Variants in WDR97 observed in about 807,000 individuals in gnomAD.
WDR97 encodes WD repeat-containing protein 97.
A neutral mutation model predicts 65.4 loss-of-function variants in WDR97; 111 were observed. That is an observed-to-expected ratio of 1.70 (90% CI 1.45 to 1.99). The LOEUF (loss-of-function observed/expected upper bound fraction) is 1.99. WDR97 is among the 30% of genes most tolerant of loss of function. WDR97 has a pLI of 0.00. For missense variants in WDR97, 1,674 were observed against 865.0 expected (o/e 1.94, Z -11.73); for synonymous variants, 802 against 397.7 (o/e 2.02, Z -12.10).
At chr8:144,108,248 C>T in intron 2 of WDR97, 53 bp downstream of exon 2, 2 of 694,930 alleles carry the variant, frequency 2.9e-6, no homozygotes, top group East Asian at 2.7e-5. Flanking sequence ...CTGGGCCTTC[C>T]CTTAGGGGTC....
chr8:144,109,818 C>CT lies in WDR97; in HGVS notation c.1485dup (p.Gly496TrpfsTer165). ...GAGGCGCTGTGGCTGCTGACCAGGG[C>CT]TGGGCACCTGGTCCGCGCCAACGCG... On this transcript the variant is annotated frameshift_variant, in exon 5 of 24. Coordinates refer to ENST00000323662, the MANE Select transcript of WDR97 (RefSeq NM_001316309.2). LOFTEE classifies it high-confidence loss of function. 1.5e-6 allele frequency: 1 copy of CT among 684,556 alleles called. No individual in the cohort carries two copies. Among genetic ancestry groups the CT allele is most frequent in the East Asian group, 2.8e-5 (1 of 36,112 alleles). The allele number at this position is 684,556 out of a possible 1,614,324, so 42.4% of individuals were successfully genotyped here. A position where few individuals can be genotyped will look rare whatever the true frequency, so the allele number is the denominator to read the frequency against.
chr8:144,116,907 C>T lies in WDR97; in HGVS notation c.*614C>T, dbSNP rs1161551144. 1 of 152,338 alleles carries T rather than the reference C, an allele frequency of 6.6e-6. No homozygotes were observed. Among genetic ancestry groups the T allele is most frequent in the Non-Finnish European group, 1.5e-5 (1 of 68,134 alleles). 9.4% of individuals were successfully genotyped at this position (152,338 alleles called of 1,614,324 possible). A position where few individuals can be genotyped will look rare whatever the true frequency, so the allele number is the denominator to read the frequency against. On this transcript the variant is annotated 3_prime_UTR_variant, in exon 24 of 24. Transcript: ENST00000323662. ...AAGGGCTCGGCCTCTGGGCCGGGCC[C>T]CTCTGCCCTGTGTGGCCTGGCAGGG...
At position 144,114,178 on chromosome 8, in the gene WDR97, G is replaced by A. The variant is rs867390197; in HGVS notation, c.3594+16G>A. 7.1e-6 allele frequency: 5 copies of A among 701,572 alleles called. No individual in the cohort carries two copies. Among genetic ancestry groups the A allele is most frequent in the South Asian group, 1.5e-5 (1 of 67,478 alleles). The allele number at this position is 701,572 out of a possible 1,614,324, so 43.5% of individuals were successfully genotyped here. A position where few individuals can be genotyped will look rare whatever the true frequency, so the allele number is the denominator to read the frequency against. On this transcript the variant is annotated intron_variant, in intron 18 of 23. Transcript: ENST00000323662. Reference sequence around the variant, plus strand: ...CAGCCTGCAGGTTGGAGGGAACTGGGGATGCATGAGAAGCATGGGTTAGGG... The same window carrying A: ...CAGCCTGCAGGTTGGAGGGAACTGGAGATGCATGAGAAGCATGGGTTAGGG...
At position 144,109,484 on chromosome 8, in the gene WDR97, C is replaced by T. The variant is rs1423057769; in HGVS notation, c.1150C>T (p.Arg384Cys). The T allele has an allele frequency of 4.3e-6, 3 of 697,156 alleles. No homozygotes were observed. Among genetic ancestry groups the T allele is most frequent in the Admixed American group, 2.0e-5 (1 of 49,298 alleles). The allele number at this position is 697,156 out of a possible 1,614,324, so 43.2% of individuals were successfully genotyped here. The change falls in exon 5 of 24, where the codon CGC becomes TGC. Residue 384 changes from arginine to cysteine, a missense_variant. Physicochemically the swap from Arg to Cys is radical, Grantham distance 180. Transcript: ENST00000323662. ...CTGGGGCCAGGACAAGCTGTCCCGG[C>T]GCGTGGGCCGTCTGCTGGCGCCGGT... is the stretch of plus-strand genomic sequence containing the variant. ...GFWGQDKLSR[R>C]VGRLLAPVRP... is the part of the protein sequence containing the mutation.
Position 144,108,173 on chromosome 8 carries a change from G to A in WDR97, c.227G>A (p.Ser76Asn). Residue 76 changes from serine (S) to asparagine (N), a missense_variant, in exon 2 of 24, where the codon AGC becomes AAC. By Grantham distance (46) the Ser-to-Asn change is conservative. Coordinates refer to ENST00000323662, the MANE Select transcript of WDR97 (RefSeq NM_001316309.2). ...CGGCTGTGGCTGCTTCTGCGCACCA[G>A]CCTCCACGAAGTCGTGGAAAAGGTG... ...ARRLWLLLRT[S>N]LHEVVEKEKR... The A allele has an allele frequency of 1.4e-6, 1 of 702,074 alleles. No homozygotes were observed. Among genetic ancestry groups the A allele is most frequent in the South Asian group, 1.5e-5 (1 of 67,538 alleles). 43.5% of individuals were successfully genotyped at this position (702,074 alleles called of 1,614,324 possible).
intron 15 of WDR97, chr8:144,113,079 C>T (rs1327755072): frequency 5.0e-6 from 2 of 401,596 alleles, no homozygotes; most frequent in East Asian, 1.0e-4. Context: ...GCCCTTTCTC[C>T]AAGCTCCTTC....
Position 144,111,889 on chromosome 8 carries a change from C to A in WDR97, c.2640C>A (p.Gly880=), listed in dbSNP as rs1443633660. 1.4e-6 allele frequency: 1 copy of A among 702,034 alleles called. No individual in the cohort carries two copies. The highest frequency in any genetic ancestry group is 2.7e-5 in the East Asian group (1 of 37,260). The allele number at this position is 702,034 out of a possible 1,614,324, so 43.5% of individuals were successfully genotyped here. The change falls in exon 13 of 24, where the codon GGC becomes GGA. Residue 880 remains glycine, a splice_region_variant and synonymous_variant. Coordinates refer to ENST00000323662, the MANE Select transcript of WDR97 (RefSeq NM_001316309.2). ...TGTCTGCTCCTGCTACCTCCCAGGG[C>A]ATGCAGTCTGGAAGGGGGTCCCAGC... ...LRLIYGSGLL[G]MQSGRGSQQW...
intron 14 of WDR97, 35 bp downstream of exon 14, chr8:144,112,384 G>A (rs1387054399): frequency 1.4e-6 from 1 of 702,498 alleles, no homozygotes; most frequent in East Asian, 2.7e-5. Flanking sequence ...ACCACCTACT[G>A]AGGGGCAGAG....
chr8:144,112,370 G>A, intron 14 of WDR97, 21 bp downstream of exon 14: 1 of 702,520 alleles, frequency 1.4e-6, no homozygotes, highest in Non-Finnish European at 2.6e-6. Flanking sequence ...CAGGCAGGTG[G>A]GGTACCACCT....
chr8:144,113,366 A>C, intron 15 of WDR97, 74 bp from the exon 16 acceptor site: 1 of 691,048 alleles, frequency 1.4e-6, no homozygotes. Flanking sequence ...CTGAGAGGTT[A>C]TACAGGTGAC....
At position 144,114,563 on chromosome 8, in the gene WDR97, CAGA is replaced by C. The variant is rs770951787; in HGVS notation, c.3808_3810del (p.Lys1270del). ...CCACCGCCTGCCTCAGGACCAGACA[CAGA>C]AGAAGTTCGTGATACTGGCGCTGCA... On this transcript the variant is annotated inframe_deletion, in exon 20 of 24. Transcript: ENST00000323662. 4.8e-5 allele frequency: 34 copies of C among 702,764 alleles called. No individual in the cohort carries two copies. Among genetic ancestry groups the C allele is most frequent in the Non-Finnish European group, 8.3e-5 (32 of 385,026 alleles). The allele number at this position is 702,764 out of a possible 1,614,324, so 43.5% of individuals were successfully genotyped here.
Position 144,114,463 on chromosome 8 carries a change from C to T in WDR97, c.3780C>T (p.Pro1260=). The change falls in exon 19 of 24, where the codon CCC becomes CCT. Residue 1260 remains proline, a synonymous_variant. Coordinates refer to ENST00000323662, the MANE Select transcript of WDR97 (RefSeq NM_001316309.2). ...TACACTTGCTCAACCTGGACCAGCC[C>T]CCCAGCCTCCAGGTGTGCCCCTTGT... ...LLVHLLNLDQ[P]PSLQDQTQKK... is the part of the protein sequence containing the mutation. 1 of 702,662 alleles carries T rather than the reference C, an allele frequency of 1.4e-6. No homozygotes were observed. Among genetic ancestry groups the T allele is most frequent in the South Asian group, 1.5e-5 (1 of 67,602 alleles). 43.5% of individuals were successfully genotyped at this position (702,662 alleles called of 1,614,324 possible).
chr8:144,110,696 G>C lies in WDR97; in HGVS notation c.2128G>C (p.Asp710His). The C allele has an allele frequency of 1.4e-6, 1 of 701,532 alleles. No homozygotes were observed. Among genetic ancestry groups the C allele is most frequent in the Non-Finnish European group, 2.6e-6 (1 of 384,958 alleles). 43.5% of individuals were successfully genotyped at this position (701,532 alleles called of 1,614,324 possible). A position where few individuals can be genotyped will look rare whatever the true frequency, so the allele number is the denominator to read the frequency against. The change falls in exon 8 of 24, where the codon GAC becomes CAC. Residue 710 changes from aspartate to histidine, a missense_variant. By Grantham distance (81) the Asp-to-His change is moderately conservative. Coordinates refer to ENST00000323662, the MANE Select transcript of WDR97 (RefSeq NM_001316309.2). ...CAAACTGTATGCCTGCTCCAGCCTGGACTGCACCGTTCGCATCTGGACTGC... is the reference window on the plus strand; with the variant it reads ...CAAACTGTATGCCTGCTCCAGCCTGCACTGCACCGTTCGCATCTGGACTGC... ...TLKLYACSSLDCTVRIWTAEN... is the reference protein window; with the variant it reads ...TLKLYACSSLHCTVRIWTAEN...
In WDR97 at chr8:144,110,618, T is replaced by C. The variant is rs1836527233; in HGVS notation, c.2081-31T>C. On this transcript the variant is annotated intron_variant, in intron 7 of 23. Transcript: ENST00000323662. ...GGGTGAAGCCCAGCCACCGCCCAGCTCCGGTTCCTGACCCTGAACCCTGCC... is the reference window on the plus strand; with the variant it reads ...GGGTGAAGCCCAGCCACCGCCCAGCCCCGGTTCCTGACCCTGAACCCTGCC... The C allele has an allele frequency of 8.5e-6, 6 of 702,732 alleles. No homozygotes were observed. In the East Asian group the frequency reaches 1.6e-4, roughly 19 times the overall value. 43.5% of individuals were successfully genotyped at this position (702,732 alleles called of 1,614,324 possible).
In WDR97 at chr8:144,111,650, G is replaced by T; in HGVS notation, c.2506G>T (p.Ala836Ser). 1.4e-6 allele frequency: 1 copy of T among 694,748 alleles called. No homozygotes were observed. Among genetic ancestry groups the T allele is most frequent in the Non-Finnish European group, 2.6e-6 (1 of 380,212 alleles). 43.0% of individuals were successfully genotyped at this position (694,748 alleles called of 1,614,324 possible). ...GACTCAGGACTTGGACGCCATAGTG[G>T]CCCGGGACCGAGACCTTCAGCAGTT... Reference protein sequence around the residue: ...VPKEDLDAIVARDRDLQQLRL... With the variant: ...VPKEDLDAIVSRDRDLQQLRL... Residue 836 changes from alanine to serine, a missense_variant, in exon 12 of 24, where the codon GCC (alanine) becomes TCC (serine). Physicochemically the swap from Ala to Ser is moderately conservative, Grantham distance 99 (BLOSUM62 1). Coordinates refer to ENST00000323662, the MANE Select transcript of WDR97 (RefSeq NM_001316309.2).
chr8:144,108,324 A>T lies in WDR97; in HGVS notation c.258A>T (p.Arg86Ser). 1.4e-6 allele frequency: 1 copy of T among 693,506 alleles called. No homozygotes were observed. Among genetic ancestry groups the T allele is most frequent in the South Asian group, 1.5e-5 (1 of 66,566 alleles). The allele number at this position is 693,506 out of a possible 1,614,324, so 43.0% of individuals were successfully genotyped here. A position where few individuals can be genotyped will look rare whatever the true frequency, so the allele number is the denominator to read the frequency against. The change falls in exon 3 of 24, where the codon AGA becomes AGT. Residue 86 changes from arginine to serine, a missense_variant. Coordinates refer to ENST00000323662, the MANE Select transcript of WDR97 (RefSeq NM_001316309.2). Reference protein sequence around the residue: ...SLHEVVEKEKRAELRAARLTH... With the variant: ...SLHEVVEKEKSAELRAARLTH... ...CCCACCCCGGCCCACAGGAGAAGAG[A>T]GCCGAGCTGCGCGCGGCGCGCCTGA...
rs759740646 is a variant in WDR97, at chr8:144,111,427, G to A, written c.2428G>A (p.Glu810Lys). Residue 810 changes from glutamate to lysine, a missense_variant and splice_region_variant, in exon 11 of 24, where the codon GAG (glutamate) becomes AAG (lysine). Physicochemically the swap from Glu to Lys is moderately conservative, Grantham distance 56 (BLOSUM62 1). Transcript: ENST00000323662. ...ACCTGTGCCTGTCCCTGTTTGCAGC[G>A]AGGCCTTGTCTCTCATCCATCGTCG... The part of the protein sequence containing the change: ...TNLHGAASLS[E>K]ALSLIHRRRA... 24 of 702,638 alleles carry A rather than the reference G, an allele frequency of 3.4e-5. No individual in the cohort carries two copies. Among genetic ancestry groups the A allele is most frequent in the Non-Finnish European group, 5.5e-5 (21 of 384,964 alleles). The allele number at this position is 702,638 out of a possible 1,614,324, so 43.5% of individuals were successfully genotyped here.
intron 15 of WDR97, chr8:144,112,796 C>A: frequency 1.8e-6 from 1 of 548,728 alleles, no homozygotes; most frequent in Admixed American, 3.1e-5. Flanking sequence ...AGCCAGTCCC[C>A]CCAGCCGGTT....
In WDR97 at chr8:144,108,747, A is replaced by C. The variant is rs1836470811; in HGVS notation, c.681A>C (p.Ser227=). The part of the protein sequence containing the change: ...NSSLALWQFR[S]GGRRLVLRGS... ...GCCTGGCGCTCTGGCAGTTCCGTTCAGGTGGTCGCCGCCTGGTGCTGCGAG... is the reference window on the plus strand; with the variant it reads ...GCCTGGCGCTCTGGCAGTTCCGTTCCGGTGGTCGCCGCCTGGTGCTGCGAG... The change falls in exon 3 of 24, where the codon TCA becomes TCC. Residue 227 remains serine (S), a synonymous_variant. Coordinates refer to ENST00000323662, the MANE Select transcript of WDR97 (RefSeq NM_001316309.2). 1.4e-6 allele frequency: 1 copy of C among 700,928 alleles called. No individual in the cohort carries two copies. The highest frequency in any genetic ancestry group is 2.6e-6 in the Non-Finnish European group (1 of 384,546). 43.4% of individuals were successfully genotyped at this position (700,928 alleles called of 1,614,324 possible).
Sources: gnomAD v4.1 joint callset for allele counts on GRCh38, gnomAD v4.1.1 for gene constraint, MANE v1.5 for transcripts, NCBI Gene and HGNC (gene_info 2026-07-23, HGNC 2026-07-21) for gene names.